The following LDB2 variants were observed in gnomAD, a reference collection of about 807,000 sequenced individuals.
LDB2 encodes LIM domain-binding protein 2.
LDB2 carries 12 observed loss-of-function variants against 44.3 expected under a neutral mutation model. The ratio of observed to expected loss-of-function variants is 0.27; its 90% CI spans 0.17 to 0.44. The LOEUF (loss-of-function observed/expected upper bound fraction) is 0.44, where lower values mean the gene tolerates loss of function less well. Ranked by LOEUF, LDB2 falls within the 20% of genes least tolerant of loss-of-function variation. The pLI is 1.00. For synonymous variants in LDB2, 164 were observed against 174.8 expected, an observed-to-expected ratio of 0.94 and a Z score of 0.49; for missense variants, 344 against 473.5, an observed-to-expected ratio of 0.73 and a Z score of 2.54.
At chr4:16,845,669 ACCTACCATGGGTAGGT>A (rs1786828272) in intron 1 of LDB2, among the ~76,000 whole-genome samples, 1 of 152,194 alleles carries the variant, frequency 6.6e-6, no homozygotes, top group Admixed American at 6.5e-5. Context: ...CTTATGAAAT[ACCTACCATGGGTAGGT>A]CCTCTACTAG....
intron 2 of LDB2, among the ~76,000 whole-genome samples, chr4:16,613,051 T>A (rs529956978): frequency 3.1e-5 from 2 of 63,832 alleles, no homozygotes; most frequent in South Asian, 1.5e-3. Flanking sequence ...ATTCAACATA[T>A]GCAACATATG....
intron 2 of LDB2, among the ~76,000 whole-genome samples, chr4:16,646,936 C>CAGCAATACCACTACT (rs1263260580): frequency 1.3e-5 from 2 of 152,182 alleles, no homozygotes; most frequent in Non-Finnish European, 2.9e-5. Context: ...CCATATGATT[C>CAGCAATACCACTACT]AGCAATACCA....
intron 2 of LDB2, among the ~76,000 whole-genome samples, chr4:16,695,431 G>A (rs1434202728): frequency 6.6e-6 from 1 of 150,784 alleles, no homozygotes; most frequent in Non-Finnish European, 1.5e-5. Context: ...CTGCACTCCA[G>A]CCTTGGCAAG....
intron 2 of LDB2, among the ~76,000 whole-genome samples, chr4:16,621,250 CTT>C (rs1305266276): frequency 6.6e-6 from 1 of 152,200 alleles, no homozygotes; most frequent in African/African-American, 2.4e-5. Flanking sequence ...TATCCAGACT[CTT>C]TAGTTGACCT....
intron 5 of LDB2, chr4:16,581,460 C>A (rs1282081438): frequency 1.0e-6 from 1 of 984,812 alleles, no homozygotes; most frequent in Non-Finnish European, 1.2e-6. Flanking sequence ...TATCACTCAG[C>A]CAGGGTGTAT....
At chr4:16,648,194 G>A (rs774942843) in intron 2 of LDB2, among the ~76,000 whole-genome samples, 51 of 152,268 alleles carry the variant, frequency 3.3e-4, no homozygotes, top group Middle Eastern at 3.4e-3. Context: ...TATACACAAG[G>A]AAGTTGAGTC....
chr4:16,610,705 C>T (rs145940728), intron 2 of LDB2, among the ~76,000 whole-genome samples: 2,492 of 151,340 alleles, frequency 0.016, 65 homozygotes, highest in African/African-American at 0.057. Context: ...CCAAGAAATA[C>T]GGGACTTCAT....
chr4:16,638,201 G>A (rs970276257), intron 2 of LDB2, among the ~76,000 whole-genome samples: 3 of 152,162 alleles, frequency 2.0e-5, no homozygotes, highest in Non-Finnish European at 2.9e-5. Flanking sequence ...AAGGGGTTCA[G>A]CATTGCAGGA....
chr4:16,719,084 GA>G (rs35448128), intron 2 of LDB2, among the ~76,000 whole-genome samples: 94 of 148,318 alleles, frequency 6.3e-4, no homozygotes, highest in South Asian at 2.4e-3. Flanking sequence ...TGCAAAAGAA[GA>G]AAAAAAAAAA....
intron 1 of LDB2, among the ~76,000 whole-genome samples, chr4:16,776,133 T>A (rs1342958293): frequency 2.0e-5 from 3 of 152,318 alleles, no homozygotes; most frequent in African/African-American, 7.2e-5. Flanking sequence ...TCTGATTCTG[T>A]TCCTGATACT....
chr4:16,770,888 G>T (rs1200918224), intron 1 of LDB2, among the ~76,000 whole-genome samples: 1 of 152,100 alleles, frequency 6.6e-6, no homozygotes, highest in African/African-American at 2.4e-5. Flanking sequence ...ACAGCTCTGT[G>T]GCAGTGAGCA....
chr4:16,801,707 G>T (rs56152743), intron 1 of LDB2, among the ~76,000 whole-genome samples: 1 of 152,098 alleles, frequency 6.6e-6, no homozygotes, highest in Non-Finnish European at 1.5e-5. Flanking sequence ...AAATTGAACA[G>T]ATCTACCAAA....
At chr4:16,693,850 G>T (rs1035883330) in intron 2 of LDB2, among the ~76,000 whole-genome samples, 3 of 152,204 alleles carry the variant, frequency 2.0e-5, no homozygotes, top group Non-Finnish European at 4.4e-5. Flanking sequence ...AAGAATTCCA[G>T]GAATTCCAGG....
intron 2 of LDB2, among the ~76,000 whole-genome samples, chr4:16,743,142 T>C (rs951691018): frequency 6.6e-6 from 1 of 152,018 alleles, no homozygotes; most frequent in East Asian, 1.9e-4. Context: ...ATACAAAAAT[T>C]AGCCAGGCAT....
chr4:16,696,553 G>C (rs1017221472), intron 2 of LDB2, among the ~76,000 whole-genome samples: 6 of 152,134 alleles, frequency 3.9e-5, no homozygotes, highest in Non-Finnish European at 7.3e-5. Context: ...ATTTCTGTGA[G>C]GAGTGGGATG....
At chr4:16,643,807 G>A (rs1392289013) in intron 2 of LDB2, among the ~76,000 whole-genome samples, 2 of 151,894 alleles carry the variant, frequency 1.3e-5, no homozygotes, top group African/African-American at 4.8e-5. Flanking sequence ...CACAAATAAA[G>A]TGTCACGAAT....
rs143856862 is a variant in LDB2, at chr4:16,772,982, C to T, written c.133-13722G>A. On this transcript the variant is annotated intron_variant, in intron 1 of 7. Coordinates refer to ENST00000304523, the MANE Select transcript of LDB2 (RefSeq NM_001290.5). ...GTGGAAAATAAGTATCTGGTAGATA[C>T]GGCATTGCCGGGTAGTGAGGTTGAG... Among the ~76,000 whole-genome samples the T allele has an allele frequency of 1.4e-3, 217 of 152,284 alleles. 2 individuals carry two copies. The highest frequency in any genetic ancestry group is 5.0e-3 in the African/African-American group (207 of 41,574).
chr4:16,892,856 A>C (rs1723814461), intron 1 of LDB2, among the ~76,000 whole-genome samples: 2 of 152,188 alleles, frequency 1.3e-5, no homozygotes, highest in Non-Finnish European at 2.9e-5. Context: ...CATAATTTAC[A>C]CACCAAAAAG....
chr4:16,633,861 T>A (rs1732757569), intron 2 of LDB2, among the ~76,000 whole-genome samples: 1 of 152,162 alleles, frequency 6.6e-6, no homozygotes, highest in Non-Finnish European at 1.5e-5. Context: ...GACTTCAAAC[T>A]ATACTAAAAG....
Sources: allele counts gnomAD v4.1 joint callset (sites outside exome capture counted in the v4.1 genomes callset), GRCh38; gene constraint gnomAD v4.1.1; transcripts MANE v1.5; gene names NCBI Gene and HGNC (gene_info 2026-07-23, HGNC 2026-07-21).